The following ATXN1 variants were observed in gnomAD, a reference collection of about 807,000 sequenced individuals.
ATXN1 encodes the protein ataxin-1.
A neutral mutation model predicts 56.4 loss-of-function variants in ATXN1; 8 were observed. That is an observed-to-expected ratio of 0.14 (90% CI 0.08 to 0.26). The LOEUF is 0.26. Among genes scored for constraint, ATXN1 ranks in the 10% least tolerant of loss-of-function variants. The pLI is 1.00. For missense variants in ATXN1, 987 were observed against 1,106.5 expected (o/e 0.89, Z 1.53); for synonymous variants, 514 against 494.6 (o/e 1.04, Z -0.52).
At chr6:16,639,202 G>A (rs764617981) in intron 3 of ATXN1, among the ~76,000 whole-genome samples, 4 of 152,130 alleles carry the variant, frequency 2.6e-5, no homozygotes, top group African/African-American at 9.7e-5. Flanking sequence ...CAACCCGCTC[G>A]GGTCCCCTTC....
intron 4 of ATXN1, among the ~76,000 whole-genome samples, chr6:16,544,220 C>T (rs1761769872): frequency 6.6e-6 from 1 of 152,194 alleles, no homozygotes; most frequent in Non-Finnish European, 1.5e-5. Flanking sequence ...GAAGGTTGTG[C>T]CTTTGACCTC....
At chr6:16,622,622 T>A (rs1035083762) in intron 3 of ATXN1, among the ~76,000 whole-genome samples, 1 of 152,220 alleles carries the variant, frequency 6.6e-6, no homozygotes, top group African/African-American at 2.4e-5. Flanking sequence ...ATTTCAGGAA[T>A]GTAAATTTTT....
At chr6:16,555,712 G>C (rs866688822) in intron 4 of ATXN1, among the ~76,000 whole-genome samples, 1 of 152,182 alleles carries the variant, frequency 6.6e-6, no homozygotes, top group African/African-American at 2.4e-5. Flanking sequence ...GCAGATAATT[G>C]TGTAGTGTGT....
At chr6:16,694,278 A>C (rs1002621914) in intron 2 of ATXN1, among the ~76,000 whole-genome samples, 190 of 125,802 alleles carry the variant, frequency 1.5e-3, no homozygotes, top group Non-Finnish European at 9.9e-4. Context: ...TAAGAGACGG[A>C]GTCTCGCTCT....
rs751592908 is a variant in ATXN1 at position 16,372,914 on chromosome 6, A to AAAATAAAT, written c.-160-44452_-160-44445dup. ...GGACAGCAAAGTGAGACACTGTATCAAAATAAATAAATAAATAAATAAACA... is the reference window on the plus strand; with the variant it reads ...GGACAGCAAAGTGAGACACTGTATCAAAATAAATAAATAAATAAATAAATAAATAAACA... On this transcript the variant is annotated intron_variant, in intron 6 of 7. Coordinates refer to ENST00000436367, the MANE Select transcript of ATXN1 (RefSeq NM_001128164.2). Among the ~76,000 whole-genome samples the AAAATAAAT allele has an allele frequency of 1.1e-3, 173 of 151,370 alleles. 1 individual carries two copies. The highest frequency in any genetic ancestry group is 4.0e-3 in the African/African-American group (165 of 41,064).
intron 2 of ATXN1, among the ~76,000 whole-genome samples, chr6:16,741,720 C>G (rs16878946): frequency 0.047 from 7,097 of 152,200 alleles, 568 homozygotes; most frequent in African/African-American, 0.16. Flanking sequence ...TGGTGAGACC[C>G]ACATTTCAAG....
At chr6:16,680,084 T>C (rs1360790281) in intron 2 of ATXN1, among the ~76,000 whole-genome samples, 2 of 152,232 alleles carry the variant, frequency 1.3e-5, no homozygotes, top group Admixed American at 1.3e-4. Context: ...TTCCTAGTTT[T>C]TCACTGTCTT....
At chr6:16,675,701 T>G (rs1758647450) in intron 2 of ATXN1, among the ~76,000 whole-genome samples, 6 of 151,850 alleles carry the variant, frequency 4.0e-5, no homozygotes, top group Admixed American at 3.9e-4. Context: ...ACTGACATGG[T>G]GAAGCCCCAT....
intron 6 of ATXN1, among the ~76,000 whole-genome samples, chr6:16,446,004 T>A (rs1238131716): frequency 2.2e-4 from 34 of 151,698 alleles, no homozygotes; most frequent in Admixed American, 5.9e-4. Flanking sequence ...GTGTCTTTAT[T>A]GCAGCATGAT....
chr6:16,696,309 A>G (rs1759164391), intron 2 of ATXN1, among the ~76,000 whole-genome samples: 1 of 152,238 alleles, frequency 6.6e-6, no homozygotes, highest in South Asian at 2.1e-4. Context: ...GATAGGACAG[A>G]GGCTGTGGCA....
intron 6 of ATXN1, among the ~76,000 whole-genome samples, chr6:16,445,939 T>C (rs1205837657): frequency 6.6e-6 from 1 of 151,824 alleles, no homozygotes; most frequent in Non-Finnish European, 1.5e-5. Context: ...GACATTTGGG[T>C]TGGTTCCAAG....
At chr6:16,617,825 A>T (rs1367802174) in intron 3 of ATXN1, among the ~76,000 whole-genome samples, 1 of 150,806 alleles carries the variant, frequency 6.6e-6, no homozygotes, top group Non-Finnish European at 1.5e-5. Flanking sequence ...TTTTATTAGT[A>T]CTTAATAAAG....
intron 2 of ATXN1, among the ~76,000 whole-genome samples, chr6:16,730,207 A>T (rs1419773912): frequency 6.6e-6 from 1 of 152,200 alleles, no homozygotes; most frequent in Non-Finnish European, 1.5e-5. Flanking sequence ...TGAACCCGGG[A>T]GATGGACATT....
intron 4 of ATXN1, among the ~76,000 whole-genome samples, chr6:16,557,534 G>A (rs1762037705): frequency 6.6e-6 from 1 of 151,822 alleles, no homozygotes; most frequent in Non-Finnish European, 1.5e-5. Flanking sequence ...AGTTCCTATG[G>A]AAAAATAAAC....
At chr6:16,649,139 T>C (rs1309724185) in intron 3 of ATXN1, among the ~76,000 whole-genome samples, 1 of 152,156 alleles carries the variant, frequency 6.6e-6, no homozygotes, top group Non-Finnish European at 1.5e-5. Context: ...GTTTTTGACA[T>C]GTAATATTAA....
chr6:16,330,278 T>TG (rs1309065391), intron 6 of ATXN1, among the ~76,000 whole-genome samples: 2 of 152,166 alleles, frequency 1.3e-5, no homozygotes, highest in East Asian at 3.9e-4. Flanking sequence ...TCCTTGTCCA[T>TG]GTTGGAGCAA....
chr6:16,654,554 A>G (rs1758149478), intron 3 of ATXN1, among the ~76,000 whole-genome samples: 1 of 89,998 alleles, frequency 1.1e-5, no homozygotes, highest in Non-Finnish European at 2.2e-5. Flanking sequence ...AAAAAAAAAA[A>G]AAAAAAAAAA....
rs900328081 is a variant in ATXN1, at chr6:16,304,193, G to C, written c.*2136C>G. 6.6e-6 allele frequency: 1 copy of C among 152,330 alleles called. No homozygotes were observed. The highest frequency in any genetic ancestry group is 1.5e-5 in the Non-Finnish European group (1 of 67,978). 9.4% of individuals were successfully genotyped at this position (152,330 alleles called of 1,614,324 possible). A position where few individuals can be genotyped will look rare whatever the true frequency, so the allele number is the denominator to read the frequency against. On this transcript the variant is annotated 3_prime_UTR_variant, in exon 8 of 8. Transcript: ENST00000436367. ...AGATTTTTTTTTTAATTTGTGAAAC[G>C]AAGAAAGTACTATTTTCAATGGGGT...
chr6:16,643,851 A>C (rs1763753705), intron 3 of ATXN1, among the ~76,000 whole-genome samples: 1 of 152,208 alleles, frequency 6.6e-6, no homozygotes, highest in African/African-American at 2.4e-5. Flanking sequence ...TATCTTCTCT[A>C]TGCCCATATT....
Sources: allele counts gnomAD v4.1 joint callset (sites outside exome capture counted in the v4.1 genomes callset), GRCh38; gene constraint gnomAD v4.1.1; transcripts MANE v1.5; gene names NCBI Gene and HGNC (gene_info 2026-07-23, HGNC 2026-07-21).